H2BC15: variants seen among roughly 807,000 people sequenced by gnomAD.
H2BC15 encodes H2B clustered histone 15, also known as histone H2B type 1-N.
A neutral mutation model predicts 6.6 loss-of-function variants in H2BC15; 5 were observed. That is an observed-to-expected ratio of 0.75 (90% CI 0.39 to 1.59). The LOEUF (loss-of-function observed/expected upper bound fraction) is 1.59, where lower values mean the gene tolerates loss of function less well. H2BC15 is among the 40% of genes most tolerant of loss of function. The pLI, the probability that H2BC15 is intolerant of heterozygous loss-of-function variation, is 0.02. For synonymous variants in H2BC15, 87 were observed against 75.2 expected, an observed-to-expected ratio of 1.16 and a Z score of -0.81; for missense variants, 148 against 169.4, an observed-to-expected ratio of 0.87 and a Z score of 0.70.
rs1426321151 is a variant in H2BC15, at chr6:27,838,667, C to T, written c.6C>T (p.Pro2=). Residue 2 remains proline, a synonymous_variant, in exon 1 of 1, where the codon CCC becomes CCT. Transcript: ENST00000612898. M[P]EPSKSAPAPK... is the part of the protein sequence containing the mutation. ...TCCGGCAGTTACTCCCAGTCATGCC[C>T]GAGCCCTCAAAGTCCGCTCCTGCCC... 6 of 1,613,930 alleles carry T rather than the reference C, an allele frequency of 3.7e-6. No homozygotes were observed. The highest frequency in any genetic ancestry group is 1.3e-5 in the African/African-American group (1 of 74,976).
chr6:27,839,014 C>G lies in H2BC15; in HGVS notation c.353C>G (p.Ala118Gly). 1.2e-6 allele frequency: 2 copies of G among 1,614,188 alleles called. No individual in the cohort carries two copies. Among genetic ancestry groups the G allele is most frequent in the South Asian group, 2.2e-5 (2 of 91,074 alleles). The change falls in exon 1 of 1, where the codon GCC becomes GGC. Residue 118 changes from alanine to glycine, a missense_variant. Physicochemically the swap from Ala to Gly is moderately conservative, Grantham distance 60 (BLOSUM62 0). This residue lies in a region of H2BC15 where 58 missense variants were observed against 94.6 expected (regional missense o/e 0.61). Transcript: ENST00000612898. Reference sequence around the variant, plus strand: ...CACGCGGTGTCGGAGGGCACCAAGGCCGTCACCAAGTACACCAGTTCCAAG... The same window carrying G: ...CACGCGGTGTCGGAGGGCACCAAGGGCGTCACCAAGTACACCAGTTCCAAG... ...AKHAVSEGTK[A>G]VTKYTSSK
rs1464989372 is a variant in H2BC15 at position 27,838,635 on chromosome 6, C to T, written c.-27C>T. ...GCTACCGTCTTCCTGTTTTTTTCCT[C>T]CAATTTTCCGGCAGTTACTCCCAGT... On this transcript the variant is annotated 5_prime_UTR_variant, in exon 1 of 1. Coordinates refer to ENST00000612898, the MANE Select transcript of H2BC15 (RefSeq NM_003520.4). 3.1e-6 allele frequency: 5 copies of T among 1,604,928 alleles called. No homozygotes were observed. Among genetic ancestry groups the T allele is most frequent in the Non-Finnish European group, 4.2e-6 (5 of 1,176,970 alleles).
rs754307126 is a variant in H2BC15 at position 27,838,659 on chromosome 6, G to C, written c.-3G>C. 3.7e-6 allele frequency: 6 copies of C among 1,613,636 alleles called. No homozygotes were observed. On this transcript the variant is annotated 5_prime_UTR_variant, in exon 1 of 1. Transcript: ENST00000612898. ...TCCAATTTTCCGGCAGTTACTCCCA[G>C]TCATGCCCGAGCCCTCAAAGTCCGC... is the stretch of plus-strand genomic sequence containing the variant.
chr6:27,838,952 G>C lies in H2BC15; in HGVS notation c.291G>C (p.Thr97=), dbSNP rs777764253. Residue 97 remains threonine, a synonymous_variant, in exon 1 of 1, where the codon ACG becomes ACC. Coordinates refer to ENST00000612898, the MANE Select transcript of H2BC15 (RefSeq NM_003520.4). ...RSTITSREIQ[T]AVRLLLPGEL... is the part of the protein sequence containing the mutation. Reference sequence around the variant, plus strand: ...CCATCACCTCCAGGGAGATCCAGACGGCCGTGCGCCTGCTGCTGCCAGGGG... The same window carrying C: ...CCATCACCTCCAGGGAGATCCAGACCGCCGTGCGCCTGCTGCTGCCAGGGG... The C allele has an allele frequency of 8.1e-6, 13 of 1,614,262 alleles. No homozygotes were observed. The South Asian group carries it at 8.8e-5, about 11-fold the overall frequency.
In H2BC15 at chr6:27,838,781, G is replaced by C. The variant is rs1761089768; in HGVS notation, c.120G>C (p.Val40=). The C allele has an allele frequency of 1.9e-6, 3 of 1,614,280 alleles. No individual in the cohort carries two copies. The highest frequency in any genetic ancestry group is 2.5e-6 in the Non-Finnish European group (3 of 1,180,046). Residue 40 remains valine, a synonymous_variant, in exon 1 of 1, where the codon GTG becomes GTC. Transcript: ENST00000612898. ...RKRSRKESYS[V]YVYKVLKQVH... is the part of the protein sequence containing the mutation. ...GCAGCCGCAAGGAGAGCTACTCCGT[G>C]TACGTGTACAAGGTGCTGAAGCAGG... is the stretch of plus-strand genomic sequence containing the variant.
At position 27,838,879 on chromosome 6, in the gene H2BC15, G is replaced by A. The variant is rs1761092916; in HGVS notation, c.218G>A (p.Arg73His). ...TCCTTCGTCAATGACATCTTCGAGCGCATCGCCGGCGAGGCTTCCCGCCTG... is the reference window on the plus strand; with the variant it reads ...TCCTTCGTCAATGACATCTTCGAGCACATCGCCGGCGAGGCTTCCCGCCTG... ...MNSFVNDIFERIAGEASRLAH... is the reference protein window; with the variant it reads ...MNSFVNDIFEHIAGEASRLAH... The change falls in exon 1 of 1, where the codon CGC becomes CAC. Residue 73 changes from arginine to histidine, a missense_variant. Arg to His is a conservative substitution (Grantham distance 29). Transcript: ENST00000612898. The A allele has an allele frequency of 1.9e-6, 3 of 1,614,140 alleles. No individual in the cohort carries two copies. The South Asian group carries it at 3.3e-5, about 18-fold the overall frequency.
rs1264368170 is a variant in H2BC15, at chr6:27,838,984, C to T, written c.323C>T (p.Ala108Val). ...CGCCTGCTGCTGCCAGGGGAGCTGG[C>T]CAAGCACGCGGTGTCGGAGGGCACC... is the stretch of plus-strand genomic sequence containing the variant. ...AVRLLLPGEL[A>V]KHAVSEGTKA... The change falls in exon 1 of 1, where the codon GCC (alanine) becomes GTC (valine). Residue 108 changes from alanine (A) to valine (V), a missense_variant. By Grantham distance (64) the Ala-to-Val change is moderately conservative. Coordinates refer to ENST00000612898, the MANE Select transcript of H2BC15 (RefSeq NM_003520.4). 1.2e-6 allele frequency: 2 copies of T among 1,614,108 alleles called. No individual in the cohort carries two copies. Among genetic ancestry groups the T allele is most frequent in the African/African-American group, 1.3e-5 (1 of 74,960 alleles).
At position 27,839,082 on chromosome 6, in the gene H2BC15, A is replaced by AC; in HGVS notation, c.*44dup. ...GAACGTTCGGTCAGTCTCGGCCCAC[A>AC]CCCCAAAGGCTCTTTTCAGAGCCAC... is the stretch of plus-strand genomic sequence containing the variant. On this transcript the variant is annotated 3_prime_UTR_variant, in exon 1 of 1. Coordinates refer to ENST00000612898, the MANE Select transcript of H2BC15 (RefSeq NM_003520.4). 6.2e-7 allele frequency: 1 copy of AC among 1,606,122 alleles called. No homozygotes were observed. Among genetic ancestry groups the AC allele is most frequent in the East Asian group, 2.2e-5 (1 of 44,776 alleles).
In H2BC15 at chr6:27,839,049, C is replaced by T. The variant is rs112586220; in HGVS notation, c.*7C>T. 26,694 of 1,613,484 alleles carry T rather than the reference C, an allele frequency of 0.017. 309 individuals are homozygous for T. The highest frequency in any genetic ancestry group is 0.02 in the Non-Finnish European group (23,257 of 1,179,584). On this transcript the variant is annotated 3_prime_UTR_variant, in exon 1 of 1. Transcript: ENST00000612898. ...GTACACCAGTTCCAAGTGAGCCCGCCCACCGCGGAACGTTCGGTCAGTCTC... is the reference window on the plus strand; with the variant it reads ...GTACACCAGTTCCAAGTGAGCCCGCTCACCGCGGAACGTTCGGTCAGTCTC...
Position 27,838,570 on chromosome 6 carries a change from C to G in H2BC15, c.-92C>G. ...ACGCACAACTTCATTCTCTACCCCA[C>G]TTGCGTTAAGAAGCAGTGAATAAGC... On this transcript the variant is annotated 5_prime_UTR_variant, in exon 1 of 1. Transcript: ENST00000612898. 1 of 1,555,422 alleles carries G rather than the reference C, an allele frequency of 6.4e-7. No individual in the cohort carries two copies. The highest frequency in any genetic ancestry group is 8.7e-7 in the Non-Finnish European group (1 of 1,151,098).
rs1761095522 is a variant in H2BC15, at chr6:27,839,013, G to A, written c.352G>A (p.Ala118Thr). The part of the protein sequence containing the change: ...AKHAVSEGTK[A>T]VTKYTSSK ...GCACGCGGTGTCGGAGGGCACCAAG[G>A]CCGTCACCAAGTACACCAGTTCCAA... The change falls in exon 1 of 1, where the codon GCC becomes ACC. Residue 118 changes from alanine (A) to threonine (T), a missense_variant. This residue lies in a region of H2BC15 where 58 missense variants were observed against 94.6 expected (regional missense o/e 0.61). Transcript: ENST00000612898. 1 of 1,614,046 alleles carries A rather than the reference G, an allele frequency of 6.2e-7. No individual in the cohort carries two copies. The highest frequency in any genetic ancestry group is 8.5e-7 in the Non-Finnish European group (1 of 1,180,028).
rs191039835 is a variant in H2BC15 at position 27,838,597 on chromosome 6, G to T, written c.-65G>T. ...TGCGTTAAGAAGCAGTGAATAAGCG[G>T]TAGGTTGACAGAGCTACCGTCTTCC... On this transcript the variant is annotated 5_prime_UTR_variant, in exon 1 of 1. Coordinates refer to ENST00000612898, the MANE Select transcript of H2BC15 (RefSeq NM_003520.4). 2.6e-5 allele frequency: 42 copies of T among 1,589,956 alleles called. No individual in the cohort carries two copies. In the Admixed American group the frequency reaches 7.2e-4, roughly 27 times the overall value.
At position 27,839,021 on chromosome 6, in the gene H2BC15, CA is replaced by C; in HGVS notation, c.362del (p.Lys121SerfsTer?). ...AVSEGTKAVT[K>X]YTSSK ...TGTCGGAGGGCACCAAGGCCGTCAC[CA>C]AGTACACCAGTTCCAAGTGAGCCCG... On this transcript the variant is annotated frameshift_variant, in exon 1 of 1. Transcript: ENST00000612898. LOFTEE classifies it high-confidence loss of function. 1 of 1,614,152 alleles carries C rather than the reference CA, an allele frequency of 6.2e-7. No individual in the cohort carries two copies. Among genetic ancestry groups the C allele is most frequent in the Non-Finnish European group, 8.5e-7 (1 of 1,180,020 alleles).
Position 27,838,955 on chromosome 6 carries a change from C to A in H2BC15, c.294C>A (p.Ala98=). 6.2e-7 allele frequency: 1 copy of A among 1,614,248 alleles called. No homozygotes were observed. Among genetic ancestry groups the A allele is most frequent in the Non-Finnish European group, 8.5e-7 (1 of 1,180,044 alleles). The change falls in exon 1 of 1, where the codon GCC becomes GCA. Residue 98 remains alanine, a synonymous_variant. Transcript: ENST00000612898. ...TCACCTCCAGGGAGATCCAGACGGC[C>A]GTGCGCCTGCTGCTGCCAGGGGAGC... The part of the protein sequence containing the change: ...STITSREIQT[A]VRLLLPGELA...
chr6:27,838,607 A>G lies in H2BC15; in HGVS notation c.-55A>G. On this transcript the variant is annotated 5_prime_UTR_variant, in exon 1 of 1. Coordinates refer to ENST00000612898, the MANE Select transcript of H2BC15 (RefSeq NM_003520.4). ...AGCAGTGAATAAGCGGTAGGTTGACAGAGCTACCGTCTTCCTGTTTTTTTC... is the reference window on the plus strand; with the variant it reads ...AGCAGTGAATAAGCGGTAGGTTGACGGAGCTACCGTCTTCCTGTTTTTTTC... 1 of 1,598,124 alleles carries G rather than the reference A, an allele frequency of 6.3e-7. No homozygotes were observed. The highest frequency in any genetic ancestry group is 8.5e-7 in the Non-Finnish European group (1 of 1,172,126).
Position 27,838,604 on chromosome 6 carries a change from G to A in H2BC15, c.-58G>A. ...AGAAGCAGTGAATAAGCGGTAGGTT[G>A]ACAGAGCTACCGTCTTCCTGTTTTT... On this transcript the variant is annotated 5_prime_UTR_variant, in exon 1 of 1. Transcript: ENST00000612898. The A allele has an allele frequency of 7.5e-6, 12 of 1,596,472 alleles. No homozygotes were observed. The highest frequency in any genetic ancestry group is 1.0e-5 in the Non-Finnish European group (12 of 1,171,260).
chr6:27,838,837 C>T lies in H2BC15; in HGVS notation c.176C>T (p.Ala59Val), dbSNP rs753411630. 2 of 1,614,152 alleles carry T rather than the reference C, an allele frequency of 1.2e-6. No individual in the cohort carries two copies. Among genetic ancestry groups the T allele is most frequent in the African/African-American group, 2.7e-5 (2 of 74,948 alleles). The change falls in exon 1 of 1, where the codon GCC becomes GTC. Residue 59 changes from alanine (A) to valine (V), a missense_variant. Physicochemically the swap from Ala to Val is moderately conservative, Grantham distance 64 (BLOSUM62 0). Around this residue, in one of 2 missense-constraint regions of H2BC15, gnomAD observed 58 missense variants for 94.6 expected, o/e 0.61. Transcript: ENST00000612898. ...VHPDTGISSK[A>V]MGIMNSFVND... is the part of the protein sequence containing the mutation. ...CCCGACACCGGTATCTCGTCCAAGG[C>T]CATGGGCATCATGAACTCCTTCGTC...
In H2BC15 at chr6:27,839,015, C is replaced by T. The variant is rs749853515; in HGVS notation, c.354C>T (p.Ala118=). The T allele has an allele frequency of 2.5e-6, 4 of 1,614,146 alleles. No homozygotes were observed. Among genetic ancestry groups the T allele is most frequent in the Non-Finnish European group, 3.4e-6 (4 of 1,180,016 alleles). The change falls in exon 1 of 1, where the codon GCC becomes GCT. Residue 118 remains alanine, a synonymous_variant. Transcript: ENST00000612898. ...ACGCGGTGTCGGAGGGCACCAAGGCCGTCACCAAGTACACCAGTTCCAAGT... is the reference window on the plus strand; with the variant it reads ...ACGCGGTGTCGGAGGGCACCAAGGCTGTCACCAAGTACACCAGTTCCAAGT... ...AKHAVSEGTK[A]VTKYTSSK is the part of the protein sequence containing the mutation.
chr6:27,838,591 T>C lies in H2BC15; in HGVS notation c.-71T>C, dbSNP rs1761083580. ...CCCACTTGCGTTAAGAAGCAGTGAA[T>C]AAGCGGTAGGTTGACAGAGCTACCG... is the stretch of plus-strand genomic sequence containing the variant. On this transcript the variant is annotated 5_prime_UTR_variant, in exon 1 of 1. Transcript: ENST00000612898. 6.3e-7 allele frequency: 1 copy of C among 1,580,848 alleles called. No individual in the cohort carries two copies. Among genetic ancestry groups the C allele is most frequent in the Non-Finnish European group, 8.6e-7 (1 of 1,164,118 alleles).
Sources: allele counts gnomAD v4.1 joint callset, GRCh38; gene constraint gnomAD v4.1.1; regional missense constraint gnomAD v4.1.1; transcripts MANE v1.5; gene names NCBI Gene and HGNC (gene_info 2026-07-23, HGNC 2026-07-21).